The following NIBAN1 variants were observed in gnomAD, a reference collection of about 807,000 sequenced individuals.
NIBAN1 encodes niban apoptosis regulator 1.
Under a neutral mutation model 75.1 loss-of-function variants are expected in NIBAN1, and 81 were observed. The ratio of observed to expected loss-of-function variants is 1.08; its 90% confidence interval spans 0.90 to 1.30. The LOEUF (loss-of-function observed/expected upper bound fraction) is 1.30, where lower values mean the gene tolerates loss of function less well. Among genes scored for constraint, NIBAN1 ranks in the 50% most tolerant of loss-of-function variants. The pLI, the probability that NIBAN1 is intolerant of heterozygous loss-of-function variation, is 0.00. For missense variants in NIBAN1, 1,133 were observed against 1,128.1 expected (o/e 1.00, Z -0.06); for synonymous variants, 436 against 424.8 (o/e 1.03, Z -0.32).
chr1:184,823,511 G>A lies in NIBAN1; in HGVS notation c.822+127C>T, dbSNP rs1014146684. On this transcript the variant is annotated intron_variant, in intron 7 of 13. Transcript: ENST00000367511. The stretch of plus-strand genomic sequence containing the variant: ...TCTTCTTGTAAGTGAGACTCAGCAG[G>A]TTCGAAGTAGGCATTTCTACACCCA... 27 of 1,246,112 alleles carry A rather than the reference G, an allele frequency of 2.2e-5. No individual in the cohort carries two copies. In the Middle Eastern group the frequency reaches 6.3e-4, roughly 29 times the overall value. 77.2% of individuals were successfully genotyped at this position (1,246,112 alleles called of 1,614,324 possible).
In NIBAN1 at chr1:184,953,665, C is replaced by T. The variant is rs551092577; in HGVS notation, c.55+20637G>A. 1.1e-4 allele frequency among the ~76,000 whole-genome samples: 17 copies of T among 152,298 alleles called. No individual in the cohort carries two copies. In the South Asian group the frequency reaches 2.9e-3, roughly 26 times the overall value. On this transcript the variant is annotated intron_variant, in intron 1 of 13. Transcript: ENST00000367511. Reference sequence around the variant, plus strand: ...CCCTTTCTCAGACATCCACTGATGTCAATAGCAGTGATGATCTGAAATAAA... The same window carrying T: ...CCCTTTCTCAGACATCCACTGATGTTAATAGCAGTGATGATCTGAAATAAA...
chr1:184,795,361 T>TC lies in NIBAN1; in HGVS notation c.2402dup (p.Gly802ArgfsTer25). ...GCCCCAGGGGCTCCTCGGTGAGCCC[T>TC]CCACTGGCTGGCGGAGAGGCTGGGC... On this transcript the variant is annotated frameshift_variant, in exon 14 of 14. Coordinates refer to ENST00000367511, the MANE Select transcript of NIBAN1 (RefSeq NM_052966.4). LOFTEE classifies it low-confidence loss of function (END_TRUNC). The TC allele has an allele frequency of 6.2e-7, 1 of 1,609,054 alleles. No homozygotes were observed. The highest frequency in any genetic ancestry group is 8.5e-7 in the Non-Finnish European group (1 of 1,177,656).
At chr1:184,823,585 A>C in intron 7 of NIBAN1, 53 bp downstream of exon 7, 77 of 1,573,352 alleles carry the variant, frequency 4.9e-5, no homozygotes, top group Non-Finnish European at 6.1e-5. Context: ...AGAAAAGGGA[A>C]GAGAATGTTC....
intron 1 of NIBAN1, among the ~76,000 whole-genome samples, chr1:184,929,824 A>C: frequency 6.6e-6 from 1 of 152,266 alleles, no homozygotes; most frequent in East Asian, 1.9e-4. Flanking sequence ...ATGAAGTTCT[A>C]GCAGGAGGAT....
At chr1:184,886,951 T>G (rs1329387251) in intron 4 of NIBAN1, among the ~76,000 whole-genome samples, 1 of 152,090 alleles carries the variant, frequency 6.6e-6, no homozygotes, top group Non-Finnish European at 1.5e-5. Flanking sequence ...TGAAAACCCA[T>G]CTCTACTAAA....
intron 8 of NIBAN1, among the ~76,000 whole-genome samples, chr1:184,819,413 G>A (rs1156493540): frequency 6.6e-6 from 1 of 152,118 alleles, no homozygotes; most frequent in African/African-American, 2.4e-5. Flanking sequence ...AAGATGACAT[G>A]CTTAGTGACA....
chr1:184,838,032 A>C (rs890034278), intron 5 of NIBAN1, among the ~76,000 whole-genome samples: 2 of 152,170 alleles, frequency 1.3e-5, no homozygotes, highest in Non-Finnish European at 1.5e-5. Context: ...ACTGGTGCAA[A>C]TTATACCAAG....
chr1:184,826,266 G>A (rs1010545994), intron 6 of NIBAN1, among the ~76,000 whole-genome samples: 6 of 152,128 alleles, frequency 3.9e-5, no homozygotes, highest in South Asian at 4.1e-4. Flanking sequence ...TCACTGGTGG[G>A]GATGTTTTTG....
At chr1:184,805,209 T>C (rs1654161858) in intron 11 of NIBAN1, among the ~76,000 whole-genome samples, 3 of 152,228 alleles carry the variant, frequency 2.0e-5, no homozygotes, top group Non-Finnish European at 4.4e-5. Flanking sequence ...GATCTTCTGT[T>C]CCAAGGCAAT....
chr1:184,931,036 G>C (rs1657808266), intron 1 of NIBAN1, among the ~76,000 whole-genome samples: 1 of 124,170 alleles, frequency 8.1e-6, no homozygotes, highest in Non-Finnish European at 1.6e-5. Context: ...GTCTCACTCT[G>C]TCACCCAGGC....
At chr1:184,911,983 C>T (rs1657253743) in intron 1 of NIBAN1, among the ~76,000 whole-genome samples, 1 of 152,160 alleles carries the variant, frequency 6.6e-6, no homozygotes, top group African/African-American at 2.4e-5. Context: ...CACAACATCA[C>T]CAGGCACCAC....
In NIBAN1 at chr1:184,806,015, G is replaced by A. The variant is rs2102193469; in HGVS notation, c.1377C>T (p.Ser459=). 2 of 1,614,142 alleles carry A rather than the reference G, an allele frequency of 1.2e-6. No homozygotes were observed. Among genetic ancestry groups the A allele is most frequent in the African/African-American group, 2.7e-5 (2 of 75,034 alleles). Residue 459 remains serine (S), a synonymous_variant, in exon 11 of 14, where the codon TCC becomes TCT. Coordinates refer to ENST00000367511, the MANE Select transcript of NIBAN1 (RefSeq NM_052966.4). ...TGGAGGCCTCTCCTTGGAGATGTGG[G>A]GAAAGCAACTGCTCAAAAGTGAACA... ...NAVFTFEQLL[S]PHLQGEASKT...
intron 1 of NIBAN1, among the ~76,000 whole-genome samples, chr1:184,903,504 C>A (rs1657006951): frequency 6.6e-6 from 1 of 152,062 alleles, no homozygotes; most frequent in South Asian, 2.1e-4. Context: ...TAGTGCCATC[C>A]CCTTGGGATA....
chr1:184,959,673 G>A (rs761336551), intron 1 of NIBAN1, among the ~76,000 whole-genome samples: 2 of 152,136 alleles, frequency 1.3e-5, no homozygotes, highest in Non-Finnish European at 2.9e-5. Flanking sequence ...TAAGTTACTT[G>A]GGATCAGTTT....
intron 5 of NIBAN1, chr1:184,868,047 C>CGGGAGA (rs1411401395): frequency 1.0e-6 from 1 of 985,318 alleles, no homozygotes; most frequent in African/African-American, 1.7e-5. Flanking sequence ...ATGCCCTGAT[C>CGGGAGA]TCCCACCAGA....
chr1:184,858,483 T>C (rs113058913), intron 5 of NIBAN1, among the ~76,000 whole-genome samples: 42 of 151,626 alleles, frequency 2.8e-4, no homozygotes, highest in African/African-American at 9.4e-4. Context: ...GAAAGGCCAC[T>C]CAAAATAAAA....
At chr1:184,943,960 A>T (rs913787830) in intron 1 of NIBAN1, among the ~76,000 whole-genome samples, 1 of 152,198 alleles carries the variant, frequency 6.6e-6, no homozygotes, top group Non-Finnish European at 1.5e-5. Flanking sequence ...GGATAGGATG[A>T]TCTTGCAAAA....
rs1274237479 is a variant in NIBAN1 at position 184,796,104 on chromosome 1, GAT to G, written c.1667-9_1667-8del. 6.7e-7 allele frequency: 1 copy of G among 1,498,344 alleles called. No individual in the cohort carries two copies. The highest frequency in any genetic ancestry group is 8.9e-7 in the Non-Finnish European group (1 of 1,129,020). The allele number at this position is 1,498,344 out of a possible 1,614,324, so 92.8% of individuals were successfully genotyped here. A position where few individuals can be genotyped will look rare whatever the true frequency, so the allele number is the denominator to read the frequency against. ...ATAGCAGCTTCCTTTATCACTGAGA[GAT>G]ATCAGAAAACAAAACATGATTTTCT... On this transcript the variant is annotated splice_polypyrimidine_tract_variant and splice_region_variant and intron_variant, in intron 13 of 13. Coordinates refer to ENST00000367511, the MANE Select transcript of NIBAN1 (RefSeq NM_052966.4).
chr1:184,818,928 C>T (rs1571489494), intron 8 of NIBAN1, 103 bp from the exon 9 acceptor site: 5 of 1,306,654 alleles, frequency 3.8e-6, no homozygotes, highest in East Asian at 2.4e-5. Context: ...AGCCATTTAA[C>T]AGCCAAGGCA....
Sources: gnomAD v4.1 joint callset for allele counts (sites outside exome capture counted in the v4.1 genomes callset) on GRCh38, gnomAD v4.1.1 for gene constraint, MANE v1.5 for transcripts, NCBI Gene and HGNC (gene_info 2026-07-23, HGNC 2026-07-21) for gene names.